The following TENM3 variants were observed in gnomAD, a reference collection of about 807,000 sequenced individuals.
TENM3 encodes the protein teneurin-3.
TENM3 carries 63 observed loss-of-function variants against 255.1 expected under a neutral mutation model. That is an observed-to-expected ratio of 0.25 (90% confidence interval 0.20 to 0.30). TENM3 has a LOEUF of 0.30. TENM3 is among the 10% of genes least tolerant of loss of function. The pLI is 1.00. For synonymous variants in TENM3, 1,306 were observed against 1,322.3 expected (o/e 0.99, Z 0.27); for missense variants, 2,929 against 3,461.1 (o/e 0.85, Z 3.86).
At chr4:182,007,056 C>G in the TENM3 span, among the ~76,000 whole-genome samples, 1 of 152,108 alleles carries the variant, frequency 6.6e-6, no homozygotes, top group African/African-American at 2.4e-5. Flanking sequence ...GTTTCTTAAT[C>G]CTGAGTTCTA....
chr4:181,695,782 A>C, the TENM3 span, among the ~76,000 whole-genome samples: 1 of 152,226 alleles, frequency 6.6e-6, no homozygotes, highest in Admixed American at 6.5e-5. Flanking sequence ...TAGATTAAAA[A>C]ACAGGTTTTT....
At chr4:182,475,300 T>C (rs527770669) in intron 3 of TENM3, among the ~76,000 whole-genome samples, 4 of 152,230 alleles carry the variant, frequency 2.6e-5, no homozygotes, top group Non-Finnish European at 5.9e-5. Context: ...AATTATTCTT[T>C]TTAAAATATA....
chr4:181,599,081 G>C, the TENM3 span, among the ~76,000 whole-genome samples: 1 of 152,190 alleles, frequency 6.6e-6, no homozygotes, highest in African/African-American at 2.4e-5. Context: ...TAGGTGAAAG[G>C]TTGTGTAAGT....
chr4:181,498,710 G>A, the TENM3 span, among the ~76,000 whole-genome samples: 1 of 152,094 alleles, frequency 6.6e-6, no homozygotes, highest in Non-Finnish European at 1.5e-5. Flanking sequence ...TATCATTAGG[G>A]CTGGAAATAG....
the TENM3 span, among the ~76,000 whole-genome samples, chr4:181,499,339 G>GTAGGAT: frequency 9.0e-4 from 137 of 152,284 alleles, no homozygotes; most frequent in African/African-American, 3.2e-3. Context: ...GAATGCTTTA[G>GTAGGAT]TAGGGTACCT....
At chr4:181,888,931 T>G in the TENM3 span, among the ~76,000 whole-genome samples, 2 of 151,874 alleles carry the variant, frequency 1.3e-5, no homozygotes, top group Non-Finnish European at 2.9e-5. Context: ...ACGCCCACCC[T>G]CACTGGGGAG....
At chr4:181,845,896 G>T in the TENM3 span, among the ~76,000 whole-genome samples, 1 of 152,156 alleles carries the variant, frequency 6.6e-6, no homozygotes, top group Admixed American at 6.5e-5. Flanking sequence ...TTATTCAGTG[G>T]CTTGAGCCTC....
chr4:181,581,985 G>A, the TENM3 span, among the ~76,000 whole-genome samples: 1 of 152,130 alleles, frequency 6.6e-6, no homozygotes, highest in African/African-American at 2.4e-5. Context: ...TGCCTGCCTC[G>A]GCCTCCCAAA....
At chr4:182,043,025 T>A in the TENM3 span, among the ~76,000 whole-genome samples, 5 of 151,974 alleles carry the variant, frequency 3.3e-5, no homozygotes, top group Non-Finnish European at 7.4e-5. Flanking sequence ...TGTGGTGTAA[T>A]TTTGCGTAAA....
intron 3 of TENM3, among the ~76,000 whole-genome samples, chr4:182,533,697 C>T (rs970617833): frequency 2.0e-5 from 3 of 151,962 alleles, no homozygotes; most frequent in Admixed American, 6.6e-5. Context: ...AGGTGGATCA[C>T]GGGGTCAGGA....
the TENM3 span, among the ~76,000 whole-genome samples, chr4:182,059,338 C>T: frequency 9.9e-5 from 15 of 152,202 alleles, no homozygotes; most frequent in Non-Finnish European, 2.1e-4. Flanking sequence ...TTAAGAAGCA[C>T]ATCATCACCT....
chr4:182,745,240 TC>T (rs1761921241), intron 19 of TENM3, among the ~76,000 whole-genome samples: 1 of 152,226 alleles, frequency 6.6e-6, no homozygotes, highest in Non-Finnish European at 1.5e-5. Flanking sequence ...CATGATCTTT[TC>T]CTGAGATCCC....
the TENM3 span, among the ~76,000 whole-genome samples, chr4:181,594,736 G>A: frequency 2.0e-4 from 30 of 152,068 alleles, no homozygotes; most frequent in African/African-American, 7.0e-4. Flanking sequence ...CTGTACAACT[G>A]CCTTTTAGAT....
At chr4:181,825,836 C>G in the TENM3 span, among the ~76,000 whole-genome samples, 1 of 152,096 alleles carries the variant, frequency 6.6e-6, no homozygotes, top group Non-Finnish European at 1.5e-5. Flanking sequence ...TTAGAAATGG[C>G]TTAAACAGAC....
At position 182,614,975 on chromosome 4, in the gene TENM3, T is replaced by C. The variant is rs535496162; in HGVS notation, c.750-13676T>C. ...CTGGGAGCATCATCTTAATTGTCAC[T>C]ACTTTGTCCTCAGCAGTTTCGAAGA... On this transcript the variant is annotated intron_variant, in intron 4 of 27. Transcript: ENST00000511685. Among the ~76,000 whole-genome samples, 36 of 148,038 alleles carry C rather than the reference T, an allele frequency of 2.4e-4. 2 individuals are homozygous for C. The South Asian group carries it at 7.3e-3, about 30-fold the overall frequency.
At chr4:181,922,617 TTC>T in the TENM3 span, among the ~76,000 whole-genome samples, 1 of 152,212 alleles carries the variant, frequency 6.6e-6, no homozygotes, top group Non-Finnish European at 1.5e-5. Flanking sequence ...TGTTTGATTC[TTC>T]TCTCTTTTCT....
At chr4:181,604,564 C>T in the TENM3 span, among the ~76,000 whole-genome samples, 3,163 of 152,262 alleles carry the variant, frequency 0.021, 123 homozygotes, top group African/African-American at 0.073. Context: ...GAGCCCACCT[C>T]CAGCAGCAAG....
At chr4:181,496,391 G>A in the TENM3 span, among the ~76,000 whole-genome samples, 1 of 151,874 alleles carries the variant, frequency 6.6e-6, no homozygotes, top group African/African-American at 2.4e-5. Context: ...GTTTTATTCT[G>A]AACATTCTGT....
the TENM3 span, among the ~76,000 whole-genome samples, chr4:181,640,827 T>G: frequency 6.6e-6 from 1 of 152,316 alleles, no homozygotes; most frequent in Middle Eastern, 3.4e-3. Context: ...AGCCTGAACT[T>G]TGGTTGGGCA....
Sources: gnomAD v4.1 joint callset for allele counts (sites outside exome capture counted in the v4.1 genomes callset) on GRCh38, gnomAD v4.1.1 for gene constraint, MANE v1.5 for transcripts, NCBI Gene and HGNC (gene_info 2026-07-23, HGNC 2026-07-21) for gene names.